The following WNT2B variants were observed in gnomAD, a reference collection of about 807,000 sequenced individuals.
WNT2B encodes protein Wnt-2b.
WNT2B carries 19 observed loss-of-function variants against 40.5 expected under a neutral mutation model. That is an observed-to-expected ratio of 0.47 (90% CI 0.33 to 0.69). The LOEUF (loss-of-function observed/expected upper bound fraction) is 0.69. Ranked by LOEUF, WNT2B falls within the 30% of genes least tolerant of loss-of-function variation. The probability of loss-of-function intolerance (pLI) is 0.02; values close to 1 mark genes in which losing one functional copy is unlikely to be tolerated. For synonymous variants in WNT2B, 220 were observed against 211.9 expected (o/e 1.04, Z -0.33); for missense variants, 467 against 556.4 (o/e 0.84, Z 1.62).
chr1:112,499,405 A>C (rs1225086857), intron 1 of WNT2B, among the ~76,000 whole-genome samples: 2 of 152,186 alleles, frequency 1.3e-5, no homozygotes, highest in Admixed American at 1.3e-4. Flanking sequence ...AAAATCCACA[A>C]AATATTAGCA....
chr1:112,483,829 C>G (rs529901989), intron 1 of WNT2B, among the ~76,000 whole-genome samples: 1 of 147,996 alleles, frequency 6.8e-6, no homozygotes, highest in Non-Finnish European at 1.5e-5. Context: ...AATAAATAAC[C>G]CTACTTTAAA....
Position 112,509,381 on chromosome 1 carries a change from G to T in WNT2B, c.119G>T (p.Gly40Val). The T allele has an allele frequency of 6.3e-7, 1 of 1,596,738 alleles. No homozygotes were observed. ...PDGSRASARL[G>V]LACLLLLLLL... Reference sequence around the variant, plus strand: ...GGCTCCCGGGCTTCGGCCCGCCTAGGTCTTGCCTGCCTTCTGCTCCTGCTG... The same window carrying T: ...GGCTCCCGGGCTTCGGCCCGCCTAGTTCTTGCCTGCCTTCTGCTCCTGCTG... The change falls in exon 1 of 5, where the codon GGT becomes GTT. Residue 40 changes from glycine (G) to valine (V), a missense_variant. Physicochemically the swap from Gly to Val is moderately radical, Grantham distance 109 (BLOSUM62 -3). Coordinates refer to ENST00000369684, the MANE Select transcript of WNT2B (RefSeq NM_024494.3). The surrounding 1 kb of genome is among the most constrained non-coding windows in gnomAD (Gnocchi z 4.2).
chr1:112,523,581 ACT>A lies in WNT2B; in HGVS notation c.*3075_*3076del, dbSNP rs1044861571. On this transcript the variant is annotated 3_prime_UTR_variant, in exon 5 of 5. Transcript: ENST00000369684. ...AGTCAGGGCTCCATTTAGTTCCCTC[ACT>A]CTGCTTCTAATCACCCCTTCTCCCA... 1.4e-4 allele frequency: 21 copies of A among 152,182 alleles called. No homozygotes were observed. Among genetic ancestry groups the A allele is most frequent in the African/African-American group, 4.1e-4 (17 of 41,452 alleles). 9.4% of individuals were successfully genotyped at this position (152,182 alleles called of 1,614,324 possible). A position where few individuals can be genotyped will look rare whatever the true frequency, so the allele number is the denominator to read the frequency against.
intron 1 of WNT2B, among the ~76,000 whole-genome samples, chr1:112,486,481 A>ACCC (rs1651422245): frequency 6.6e-6 from 1 of 152,124 alleles, no homozygotes; most frequent in African/African-American, 2.4e-5. Context: ...CAAAAGCACT[A>ACCC]CCCATAAAGA....
At chr1:112,496,609 T>C (rs965364310) in intron 1 of WNT2B, among the ~76,000 whole-genome samples, 1 of 151,558 alleles carries the variant, frequency 6.6e-6, no homozygotes, top group African/African-American at 2.4e-5. Context: ...TTTTTTGTTT[T>C]TTTTTTTCGA....
intron 1 of WNT2B, among the ~76,000 whole-genome samples, chr1:112,501,384 G>C (rs1651945957): frequency 6.6e-6 from 1 of 152,108 alleles, no homozygotes; most frequent in African/African-American, 2.4e-5. Flanking sequence ...CTTGGAAAAA[G>C]GTCACGATGC....
chr1:112,524,734 C>T lies in WNT2B; in HGVS notation c.*4225C>T, dbSNP rs1182862771. On this transcript the variant is annotated 3_prime_UTR_variant, in exon 5 of 5. Transcript: ENST00000369684. ...TTCACTCTTTGCCCTCCCTGTCAGC[C>T]TGAGCACAACCATGAGGTTACACAC... is the stretch of plus-strand genomic sequence containing the variant. 6.6e-6 allele frequency: 1 copy of T among 152,076 alleles called. No individual in the cohort carries two copies. The highest frequency in any genetic ancestry group is 1.5e-5 in the Non-Finnish European group (1 of 68,044). The allele number at this position is 152,076 out of a possible 1,614,324, so 9.4% of individuals were successfully genotyped here.
At position 112,516,275 on chromosome 1, in the gene WNT2B, G is replaced by A. The variant is rs35058556; in HGVS notation, c.539G>A (p.Arg180His). The change falls in exon 3 of 5, where the codon CGT becomes CAT. Residue 180 changes from arginine (R) to histidine (H), a missense_variant. This residue lies in a region of WNT2B where 330 missense variants were observed against 438.6 expected (regional missense o/e 0.75). Coordinates refer to ENST00000369684, the MANE Select transcript of WNT2B (RefSeq NM_024494.3). ...ACCCGTGGCCGACACCATGACCAGC[G>A]TGGGGACTTTGACTGGGGTGGCTGC... ...PYTRGRHHDQ[R>H]GDFDWGGCSD... The A allele has an allele frequency of 8.7e-5, 140 of 1,614,108 alleles. No homozygotes were observed. Among genetic ancestry groups the A allele is most frequent in the African/African-American group, 8.1e-4 (61 of 75,028 alleles).
chr1:112,478,706 A>G (rs188967846), intron 1 of WNT2B, among the ~76,000 whole-genome samples: 81 of 152,178 alleles, frequency 5.3e-4, no homozygotes, highest in Non-Finnish European at 9.6e-4. Context: ...GGATCACTTA[A>G]ACCTAGGAGT....
chr1:112,476,775 T>TGCTGCTGTGTCCCCCTGGAGAAGAA (rs1651066512), intron 1 of WNT2B, among the ~76,000 whole-genome samples: 2 of 152,184 alleles, frequency 1.3e-5, no homozygotes, highest in Admixed American at 1.3e-4. Flanking sequence ...CCAGGGTCCA[T>TGCTGCTGTGTCCCCCTGGAGAAGAA]GCTGCTGTGT....
intron 1 of WNT2B, among the ~76,000 whole-genome samples, chr1:112,487,982 C>G (rs1341662170): frequency 7.1e-6 from 1 of 141,138 alleles, no homozygotes; most frequent in Non-Finnish European, 1.5e-5. Context: ...GTAGACGACT[C>G]ATATAAAAAA....
intron 1 of WNT2B, among the ~76,000 whole-genome samples, chr1:112,474,356 G>A (rs1334527594): frequency 1.3e-5 from 2 of 151,850 alleles, no homozygotes; most frequent in African/African-American, 4.8e-5. Context: ...CACCGCGTTA[G>A]CCAGGATGGT....
At chr1:112,502,431 C>T (rs1244902010) in intron 1 of WNT2B, among the ~76,000 whole-genome samples, 1 of 152,230 alleles carries the variant, frequency 6.6e-6, no homozygotes, top group Non-Finnish European at 1.5e-5. Flanking sequence ...AGCTGGAGAC[C>T]CGGCTAAATG....
chr1:112,510,599 C>G (rs535868318), intron 1 of WNT2B, among the ~76,000 whole-genome samples: 1 of 152,282 alleles, frequency 6.6e-6, no homozygotes, highest in East Asian at 1.9e-4. Context: ...GCCGAGGGGC[C>G]CGCCAGCTTG....
Position 112,509,475 on chromosome 1 carries a change from G to A in WNT2B, c.182+31G>A, listed in dbSNP as rs371881804. On this transcript the variant is annotated intron_variant, in intron 1 of 4. Transcript: ENST00000369684. The surrounding 1 kb of genome is among the most constrained non-coding windows in gnomAD (Gnocchi z 4.2). Reference sequence around the variant, plus strand: ...TGTGGCTCTCAGGCTGGGCGGGTGAGGCGCTTGGTAGGAGAGGCCGGAGGC... The same window carrying A: ...TGTGGCTCTCAGGCTGGGCGGGTGAAGCGCTTGGTAGGAGAGGCCGGAGGC... The A allele has an allele frequency of 3.2e-6, 5 of 1,540,418 alleles. No individual in the cohort carries two copies. In the South Asian group the frequency reaches 6.0e-5, roughly 19 times the overall value.
rs1170670256 is a variant in WNT2B, at chr1:112,523,296, G to A, written c.*2787G>A. On this transcript the variant is annotated 3_prime_UTR_variant, in exon 5 of 5. Transcript: ENST00000369684. Reference sequence around the variant, plus strand: ...CAAGTTTTGCAATTTCCTATAAATGGTTAAGAAAAGAGCAAGCTGTCCAGA... The same window carrying A: ...CAAGTTTTGCAATTTCCTATAAATGATTAAGAAAAGAGCAAGCTGTCCAGA... The A allele has an allele frequency of 6.6e-6, 1 of 151,346 alleles. No individual in the cohort carries two copies. Among genetic ancestry groups the A allele is most frequent in the Non-Finnish European group, 1.5e-5 (1 of 68,032 alleles). The allele number at this position is 151,346 out of a possible 1,614,324, so 9.4% of individuals were successfully genotyped here.
chr1:112,489,904 C>G (rs1651545395), intron 1 of WNT2B, among the ~76,000 whole-genome samples: 1 of 152,144 alleles, frequency 6.6e-6, no homozygotes, highest in African/African-American at 2.4e-5. Context: ...CCCACAATTA[C>G]TGGTTTTTAG....
chr1:112,516,155 C>G lies in WNT2B; in HGVS notation c.419C>G (p.Ala140Gly), dbSNP rs1570795892. 6.2e-7 allele frequency: 1 copy of G among 1,612,446 alleles called. No homozygotes were observed. The highest frequency in any genetic ancestry group is 2.2e-5 in the East Asian group (1 of 44,796). Residue 140 changes from alanine to glycine, a missense_variant, in exon 3 of 5, where the codon GCT (alanine) becomes GGT (glycine). Ala to Gly is a moderately conservative substitution (Grantham distance 60, BLOSUM62 0). Around this residue, in one of 2 missense-constraint regions of WNT2B, gnomAD observed 330 missense variants for 438.6 expected, o/e 0.75. Coordinates refer to ENST00000369684, the MANE Select transcript of WNT2B (RefSeq NM_024494.3). ...CTCTCTCTAGGTAGCCGAGAGGCAG[C>G]TTTTGTATATGCCATCTCATCAGCA... Reference protein sequence around the residue: ...RVMLRSSREAAFVYAISSAGV... With the variant: ...RVMLRSSREAGFVYAISSAGV...
At chr1:112,478,545 A>G (rs1038193423) in intron 1 of WNT2B, among the ~76,000 whole-genome samples, 1 of 152,172 alleles carries the variant, frequency 6.6e-6, no homozygotes, top group Admixed American at 6.5e-5. Context: ...TGACCAGGAG[A>G]AAATAGGGTG....
Sources: allele counts gnomAD v4.1 joint callset (sites outside exome capture counted in the v4.1 genomes callset), GRCh38; gene constraint gnomAD v4.1.1; regional missense constraint gnomAD v4.1.1; non-coding constraint Gnocchi (gnomAD v3.1); transcripts MANE v1.5; gene names NCBI Gene and HGNC (gene_info 2026-07-23, HGNC 2026-07-21).